USP12: variants seen among roughly 807,000 people sequenced by gnomAD.
USP12 encodes the protein ubiquitin carboxyl-terminal hydrolase 12.
In USP12, 19 loss-of-function variants were observed where a neutral mutation model predicts 45.5. The ratio of observed to expected loss-of-function variants is 0.42; its 90% CI spans 0.29 to 0.61. The LOEUF (loss-of-function observed/expected upper bound fraction) is 0.61. Ranked by LOEUF, USP12 falls within the 20% of genes least tolerant of loss-of-function variation. The pLI is 0.22. For missense variants in USP12, 242 were observed against 447.7 expected (o/e 0.54, Z 4.15); for synonymous variants, 149 against 148.8 (o/e 1.00, Z -0.01).
chr13:27,105,954 A>G lies in USP12; in HGVS notation c.130-10T>C, dbSNP rs780640218. ...AGCAGGTATTCCCAAACTGCAACAG[A>G]AAAAAAAAAGTTTTGTTAAATTTAG... On this transcript the variant is annotated splice_polypyrimidine_tract_variant and intron_variant, in intron 2 of 8. Transcript: ENST00000282344. 5.4e-5 allele frequency: 83 copies of G among 1,531,676 alleles called. No individual in the cohort carries two copies. Among genetic ancestry groups the G allele is most frequent in the Middle Eastern group, 1.7e-4 (1 of 5,796 alleles). 94.9% of individuals were successfully genotyped at this position (1,531,676 alleles called of 1,614,324 possible). A position where few individuals can be genotyped will look rare whatever the true frequency, so the allele number is the denominator to read the frequency against.
intron 1 of USP12, among the ~76,000 whole-genome samples, chr13:27,152,295 C>T (rs1170843968): frequency 2.0e-5 from 3 of 152,082 alleles, no homozygotes; most frequent in African/African-American, 7.2e-5. Context: ...AATATTTGTC[C>T]ATTAAAAGCA....
chr13:27,117,943 G>A (rs1279319413), intron 1 of USP12: 8 of 370,604 alleles, frequency 2.2e-5, no homozygotes, highest in Middle Eastern at 5.5e-4. Flanking sequence ...AGTTTGAAAG[G>A]GAAATAAAAG....
At chr13:27,140,786 C>G (rs1056388428) in intron 1 of USP12, among the ~76,000 whole-genome samples, 1 of 152,002 alleles carries the variant, frequency 6.6e-6, no homozygotes, top group Non-Finnish European at 1.5e-5. Flanking sequence ...GCAAAATATT[C>G]ATTTGCTCTA....
intron 3 of USP12, among the ~76,000 whole-genome samples, chr13:27,102,201 A>C (rs988919551): frequency 6.6e-6 from 1 of 152,122 alleles, no homozygotes; most frequent in Non-Finnish European, 1.5e-5. Flanking sequence ...AATGATCCCA[A>C]ACAGTCCAGT....
At chr13:27,069,907 C>G (rs1873164644) in intron 8 of USP12, among the ~76,000 whole-genome samples, 1 of 152,142 alleles carries the variant, frequency 6.6e-6, no homozygotes, top group Non-Finnish European at 1.5e-5. Context: ...AGATCGCACC[C>G]TTGCACTCCA....
intron 6 of USP12, among the ~76,000 whole-genome samples, chr13:27,082,904 C>T (rs1873829524): frequency 6.6e-6 from 1 of 152,190 alleles, no homozygotes; most frequent in Non-Finnish European, 1.5e-5. Flanking sequence ...GGCGTGATCT[C>T]GGCTCACCGC....
chr13:27,112,992 G>C (rs1875529516), intron 2 of USP12, among the ~76,000 whole-genome samples: 1 of 152,302 alleles, frequency 6.6e-6, no homozygotes, highest in Non-Finnish European at 1.5e-5. Context: ...CCAGCACTTT[G>C]GGAGGCTGAG....
At chr13:27,102,487 C>T (rs1874915477) in intron 3 of USP12, among the ~76,000 whole-genome samples, 2 of 152,216 alleles carry the variant, frequency 1.3e-5, no homozygotes, top group Admixed American at 1.3e-4. Context: ...AAAACCCAAG[C>T]TTTAGGCCCC....
chr13:27,161,717 T>C (rs1358646692), intron 1 of USP12, among the ~76,000 whole-genome samples: 1 of 150,998 alleles, frequency 6.6e-6, no homozygotes, highest in East Asian at 1.9e-4. Context: ...CAAAAAAAAT[T>C]AATTAAAAAG....
intron 1 of USP12, among the ~76,000 whole-genome samples, chr13:27,152,172 T>C (rs561682368): frequency 1.3e-5 from 2 of 152,258 alleles, no homozygotes; most frequent in African/African-American, 4.8e-5. Context: ...CATAAAAAGC[T>C]TGCACCCCCA....
At chr13:27,143,171 A>G (rs1188480671) in intron 1 of USP12, among the ~76,000 whole-genome samples, 1 of 152,166 alleles carries the variant, frequency 6.6e-6, no homozygotes, top group Non-Finnish European at 1.5e-5. Context: ...CAAAATCGAG[A>G]ATAATTTTAA....
At chr13:27,158,237 A>C (rs1234902672) in intron 1 of USP12, among the ~76,000 whole-genome samples, 1 of 152,210 alleles carries the variant, frequency 6.6e-6, no homozygotes, top group Non-Finnish European at 1.5e-5. Flanking sequence ...AGACAGAGAC[A>C]CAGGGAGAAT....
chr13:27,070,352 G>T (rs536879771), intron 8 of USP12, among the ~76,000 whole-genome samples: 2 of 152,262 alleles, frequency 1.3e-5, no homozygotes, highest in South Asian at 4.2e-4. Context: ...GCCTGCTGCG[G>T]TGTTGAAAAT....
At chr13:27,069,520 G>T in intron 8 of USP12, 136 bp from the exon 9 acceptor site, 1 of 665,028 alleles carries the variant, frequency 1.5e-6, no homozygotes, top group Non-Finnish European at 2.6e-6. Flanking sequence ...AGCTGGCAGG[G>T]CACACCAAAA....
chr13:27,133,138 C>T (rs971830627), intron 1 of USP12, among the ~76,000 whole-genome samples: 1 of 152,174 alleles, frequency 6.6e-6, no homozygotes, highest in African/African-American at 2.4e-5. Flanking sequence ...ATCTTGCAAT[C>T]CTCTAGGAAT....
intron 4 of USP12, among the ~76,000 whole-genome samples, chr13:27,094,361 G>C (rs972780603): frequency 1.3e-5 from 2 of 151,914 alleles, no homozygotes; most frequent in African/African-American, 4.8e-5. Context: ...AACTAGCTGG[G>C]GGTGATGGCA....
At chr13:27,097,754 G>T (rs1204557385) in intron 3 of USP12, among the ~76,000 whole-genome samples, 1 of 152,112 alleles carries the variant, frequency 6.6e-6, no homozygotes, top group African/African-American at 2.4e-5. Context: ...AATAGGTTTT[G>T]TATTCTGTTC....
At chr13:27,163,398 AC>A (rs745523342) in intron 1 of USP12, among the ~76,000 whole-genome samples, 2 of 152,170 alleles carry the variant, frequency 1.3e-5, no homozygotes, top group Non-Finnish European at 2.9e-5. Flanking sequence ...CTCCATGTCC[AC>A]ATAATAAAGG....
At chr13:27,127,740 C>T (rs943371169) in intron 1 of USP12, among the ~76,000 whole-genome samples, 1 of 152,166 alleles carries the variant, frequency 6.6e-6, no homozygotes, top group African/African-American at 2.4e-5. Flanking sequence ...CACAGAAGCA[C>T]ATATGTAACA....
Sources: gnomAD v4.1 joint callset for allele counts (sites outside exome capture counted in the v4.1 genomes callset) on GRCh38, gnomAD v4.1.1 for gene constraint, MANE v1.5 for transcripts, NCBI Gene and HGNC (gene_info 2026-07-23, HGNC 2026-07-21) for gene names.